The following TRPC7 variants were observed in gnomAD, a reference collection of about 807,000 sequenced individuals.
TRPC7 encodes transient receptor potential cation channel subfamily C member 7.
TRPC7 carries 42 observed loss-of-function variants against 90.1 expected under a neutral mutation model. That is an observed-to-expected ratio of 0.47 (90% CI 0.36 to 0.60). The LOEUF (loss-of-function observed/expected upper bound fraction) is 0.60, where lower values mean the gene tolerates loss of function less well. TRPC7 is among the 20% of genes least tolerant of loss of function. The pLI is 0.00. For missense variants in TRPC7, 955 were observed against 1,112.3 expected (o/e 0.86, Z 2.01); for synonymous variants, 451 against 436.3 (o/e 1.03, Z -0.42).
chr5:136,338,592 G>C (rs528618625), intron 2 of TRPC7, among the ~76,000 whole-genome samples: 3 of 152,278 alleles, frequency 2.0e-5, no homozygotes, highest in African/African-American at 7.2e-5. Flanking sequence ...CTATGTTTGA[G>C]CCTGTGACCT....
rs1757020077 is a variant in TRPC7, at chr5:136,266,135, G to C, written c.1345+85C>G. The stretch of plus-strand genomic sequence containing the variant: ...TGTCTATCAGGAGTACACTGAAGAG[G>C]AGAGGGAGAAATTCAGAAATCAGAG... On this transcript the variant is annotated intron_variant, in intron 5 of 11. Coordinates refer to ENST00000513104, the MANE Select transcript of TRPC7 (RefSeq NM_020389.3). The C allele has an allele frequency of 3.2e-6, 4 of 1,245,270 alleles. No homozygotes were observed. In the East Asian group the frequency reaches 9.3e-5, roughly 29 times the overall value. 77.1% of individuals were successfully genotyped at this position (1,245,270 alleles called of 1,614,324 possible).
At chr5:136,303,122 G>A (rs1356472309) in intron 3 of TRPC7, among the ~76,000 whole-genome samples, 1 of 152,112 alleles carries the variant, frequency 6.6e-6, no homozygotes. Flanking sequence ...TACTCGAAAA[G>A]GTGGCTGGAG....
intron 3 of TRPC7, among the ~76,000 whole-genome samples, chr5:136,296,310 G>T (rs1228409988): frequency 6.6e-6 from 1 of 152,070 alleles, no homozygotes; most frequent in Non-Finnish European, 1.5e-5. Flanking sequence ...ATGAAACCAG[G>T]TCATTCTTAT....
chr5:136,271,874 C>A (rs1757223082), intron 4 of TRPC7, among the ~76,000 whole-genome samples: 1 of 152,004 alleles, frequency 6.6e-6, no homozygotes, highest in Non-Finnish European at 1.5e-5. Flanking sequence ...TCTTAGGGAC[C>A]CTCAGAAACA....
intron 2 of TRPC7, among the ~76,000 whole-genome samples, chr5:136,337,882 C>CTGG (rs1759715548): frequency 6.6e-6 from 1 of 152,068 alleles, no homozygotes; most frequent in African/African-American, 2.4e-5. Context: ...GTAGAAGAAG[C>CTGG]TGGGAGAGCT....
intron 3 of TRPC7, among the ~76,000 whole-genome samples, chr5:136,277,884 T>A (rs1417322481): frequency 6.6e-6 from 1 of 152,224 alleles, no homozygotes; most frequent in African/African-American, 2.4e-5. Context: ...AGGGAAGAAC[T>A]GATGTGACTG....
chr5:136,348,433 G>A (rs538292991), intron 2 of TRPC7, among the ~76,000 whole-genome samples: 1 of 152,116 alleles, frequency 6.6e-6, no homozygotes, highest in Admixed American at 6.5e-5. Context: ...TTATTCCATT[G>A]GGTTTCATTT....
chr5:136,315,511 A>T, intron 3 of TRPC7, 86 bp downstream of exon 3: 3 of 1,446,972 alleles, frequency 2.1e-6, no homozygotes, highest in Non-Finnish European at 2.8e-6. Context: ...CTGTGGGAAC[A>T]TAAAATAGAC....
Position 136,357,137 on chromosome 5 carries a change from A to G in TRPC7, c.251T>C (p.Leu84Pro), listed in dbSNP as rs772294767. The G allele has an allele frequency of 6.2e-7, 1 of 1,614,146 alleles. No individual in the cohort carries two copies. The highest frequency in any genetic ancestry group is 1.7e-5 in the Admixed American group (1 of 60,028). Residue 84 changes from leucine (L) to proline (P), a missense_variant, in exon 2 of 12, where the codon CTG (leucine) becomes CCG (proline). Coordinates refer to ENST00000513104, the MANE Select transcript of TRPC7 (RefSeq NM_020389.3). ...CTCTAGGTGCTCGTTGCCCACGGCC[A>G]GCTGCAGAGCGTTCTGCCCCATGTA... ...VDYMGQNALQ[L>P]AVGNEHLEVT...
At chr5:136,294,327 G>T (rs1242041877) in intron 3 of TRPC7, among the ~76,000 whole-genome samples, 1 of 152,154 alleles carries the variant, frequency 6.6e-6, no homozygotes, top group Non-Finnish European at 1.5e-5. Context: ...CACAGCAAAA[G>T]AAACCACCAT....
chr5:136,329,816 C>G (rs1188816787), intron 2 of TRPC7, among the ~76,000 whole-genome samples: 1 of 152,164 alleles, frequency 6.6e-6, no homozygotes, highest in Non-Finnish European at 1.5e-5. Context: ...GGTTCTCTCT[C>G]GTGGAACTCC....
Position 136,356,930 on chromosome 5 carries a change from G to T in TRPC7, c.458C>A (p.Ala153Asp). Residue 153 changes from alanine to aspartate, a missense_variant, in exon 2 of 12, where the codon GCC becomes GAC. By Grantham distance (126) the Ala-to-Asp change is moderately radical. Coordinates refer to ENST00000513104, the MANE Select transcript of TRPC7 (RefSeq NM_020389.3). ...EQELRDDDFY[A>D]YDEDGTRFSH... Reference sequence around the variant, plus strand: ...GAAGCGCGTGCCGTCCTCGTCGTAGGCATAGAAGTCGTCGTCGCGCAGCTC... The same window carrying T: ...GAAGCGCGTGCCGTCCTCGTCGTAGTCATAGAAGTCGTCGTCGCGCAGCTC... The T allele has an allele frequency of 6.2e-7, 1 of 1,613,484 alleles. No individual in the cohort carries two copies. The highest frequency in any genetic ancestry group is 8.5e-7 in the Non-Finnish European group (1 of 1,179,906).
intron 2 of TRPC7, 29 bp downstream of exon 2, chr5:136,356,579 G>C (rs1328008223): frequency 1.3e-6 from 2 of 1,507,386 alleles, no homozygotes; most frequent in Non-Finnish European, 1.8e-6. Context: ...TGGGCAACCT[G>C]CCTGCAGGGT....
chr5:136,315,661 C>T lies in TRPC7; in HGVS notation c.899G>A (p.Trp300Ter). The T allele has an allele frequency of 6.2e-7, 1 of 1,613,890 alleles. No individual in the cohort carries two copies. The highest frequency in any genetic ancestry group is 8.5e-7 in the Non-Finnish European group (1 of 1,179,862). The change falls in exon 3 of 12, where the codon TGG (tryptophan) becomes TAG (stop). Residue 300 changes from tryptophan (W) to a stop codon, truncating the protein, a stop_gained. Coordinates refer to ENST00000513104, the MANE Select transcript of TRPC7 (RefSeq NM_020389.3). LOFTEE classifies it high-confidence loss of function. ...ILNGDVNFQV[W>*]SDHHRPSLSR... ...CAGACTTGGACGGTGGTGGTCGGAC[C>T]AGACTTGGAAGTTCACATCACCGTT...
intron 2 of TRPC7, among the ~76,000 whole-genome samples, chr5:136,355,574 A>G (rs1240958779): frequency 1.3e-5 from 2 of 151,978 alleles, no homozygotes; most frequent in East Asian, 1.9e-4. Flanking sequence ...CGAGGTGGGC[A>G]GATCACGAGG....
intron 9 of TRPC7, 130 bp from the exon 10 acceptor site, chr5:136,225,484 A>G (rs1755597199): frequency 1.2e-6 from 1 of 809,212 alleles, no homozygotes; most frequent in Middle Eastern, 2.4e-4. Flanking sequence ...AAGCTGATTT[A>G]CCTGGTGCTG....
chr5:136,260,871 T>C (rs1304495934), intron 5 of TRPC7, among the ~76,000 whole-genome samples: 1 of 152,196 alleles, frequency 6.6e-6, no homozygotes, highest in Non-Finnish European at 1.5e-5. Context: ...GGTCCTGAGG[T>C]TTGGTTCAAC....
intron 5 of TRPC7, among the ~76,000 whole-genome samples, chr5:136,253,597 C>A (rs896890189): frequency 6.6e-6 from 1 of 152,160 alleles, no homozygotes; most frequent in African/African-American, 2.4e-5. Context: ...TTGGGGGTAT[C>A]ATGAACCACT....
At chr5:136,358,389 T>C (rs528058167) in intron 1 of TRPC7, among the ~76,000 whole-genome samples, 221 of 152,230 alleles carry the variant, frequency 1.5e-3, no homozygotes, top group Admixed American at 3.3e-3. Context: ...GGTATTATAC[T>C]AAGAGCTTCA....
Sources: allele counts gnomAD v4.1 joint callset (sites outside exome capture counted in the v4.1 genomes callset), GRCh38; gene constraint gnomAD v4.1.1; transcripts MANE v1.5; gene names NCBI Gene and HGNC (gene_info 2026-07-23, HGNC 2026-07-21).